The following DIAPH2 variants were observed in gnomAD, a reference collection of about 807,000 sequenced individuals.
The protein encoded by DIAPH2 is diaphanous related formin 2.
In DIAPH2, 35 loss-of-function variants were observed where a neutral mutation model predicts 92.7. The observed-to-expected ratio is 0.38, with a 90% CI of 0.29 to 0.50. The LOEUF (loss-of-function observed/expected upper bound fraction) is 0.50. Ranked by LOEUF, DIAPH2 falls within the 20% of genes least tolerant of loss-of-function variation. The pLI is 0.94. For missense variants in DIAPH2, 701 were observed against 819.5 expected, an observed-to-expected ratio of 0.86 and a Z score of 1.77; for synonymous variants, 301 against 280.4, an observed-to-expected ratio of 1.07 and a Z score of -0.73.
rs191451008 is a variant in DIAPH2, at chrX:96,783,954, G to A, written c.447+25696G>A. Reference sequence around the variant, plus strand: ...TGTAACATGTTCAGATCACTGGGAGGTATAATAGTACATTGTAGACAGACA... The same window carrying A: ...TGTAACATGTTCAGATCACTGGGAGATATAATAGTACATTGTAGACAGACA... On this transcript the variant is annotated intron_variant, in intron 4 of 26. Coordinates refer to ENST00000324765, the MANE Select transcript of DIAPH2 (RefSeq NM_006729.5). Among the ~76,000 whole-genome samples the A allele has an allele frequency of 1.4e-3, 160 of 112,024 alleles. 1 individual carries two copies. Among genetic ancestry groups the A allele is most frequent in the African/African-American group, 5.0e-3 (154 of 30,838 alleles).
chrX:97,009,988 T>C (rs2066213272), intron 17 of DIAPH2, among the ~76,000 whole-genome samples: 1 of 111,774 alleles, frequency 8.9e-6, no homozygotes, highest in South Asian at 3.8e-4. Context: ...ACTGACTCCG[T>C]GCCCACCACA....
At chrX:97,111,229 A>G (rs1455882179) in intron 20 of DIAPH2, among the ~76,000 whole-genome samples, 1 of 112,021 alleles carries the variant, frequency 8.9e-6, no homozygotes, top group Non-Finnish European at 1.9e-5. Flanking sequence ...CTTTACAGGA[A>G]TTTCTCCCAC....
intron 23 of DIAPH2, among the ~76,000 whole-genome samples, chrX:97,260,491 A>G (rs2068279796): frequency 8.9e-6 from 1 of 112,150 alleles, no homozygotes. Context: ...CAGCCTGTTT[A>G]TCTACAGGTG....
chrX:96,962,310 T>TATATAC (rs1439668036), intron 16 of DIAPH2, among the ~76,000 whole-genome samples: 13 of 37,562 alleles, frequency 3.5e-4, no homozygotes, highest in Non-Finnish European at 5.4e-4. Context: ...CATATATATA[T>TATATAC]ACATATATAT....
chrX:97,063,435 G>A (rs2066613907), intron 17 of DIAPH2, among the ~76,000 whole-genome samples: 1 of 111,975 alleles, frequency 8.9e-6, no homozygotes, highest in South Asian at 3.7e-4. Flanking sequence ...CTGCTTATGA[G>A]CTCTCATTCA....
chrX:96,882,167 C>T (rs1311493571), intron 5 of DIAPH2, among the ~76,000 whole-genome samples: 1 of 109,763 alleles, frequency 9.1e-6, no homozygotes, highest in African/African-American at 3.3e-5. Context: ...TCTTCTACCT[C>T]AGCCTCCTGA....
intron 24 of DIAPH2, among the ~76,000 whole-genome samples, chrX:97,378,539 A>T (rs78280558): frequency 8.9e-6 from 1 of 111,808 alleles, no homozygotes; most frequent in African/African-American, 3.2e-5. Flanking sequence ...AAAGGAAAGA[A>T]AAAAGAAAGA....
At chrX:97,253,627 G>C (rs1236744786) in intron 23 of DIAPH2, among the ~76,000 whole-genome samples, 1 of 108,480 alleles carries the variant, frequency 9.2e-6, no homozygotes. Flanking sequence ...GTGCACGCCT[G>C]TAATCCCAGC....
chrX:97,348,370 A>G (rs2069177413), intron 24 of DIAPH2, 90 bp downstream of exon 24: 1 of 813,534 alleles, frequency 1.2e-6, no homozygotes, highest in African/African-American at 2.2e-5. Context: ...CCTATTGACT[A>G]TATTGATTTC....
At chrX:96,971,213 G>A (rs1179956697) in intron 17 of DIAPH2, among the ~76,000 whole-genome samples, 1 of 111,887 alleles carries the variant, frequency 8.9e-6, no homozygotes, top group Non-Finnish European at 1.9e-5. Flanking sequence ...ATTAAAGATA[G>A]CGTGGTATAG....
At chrX:96,733,636 A>T (rs765696078) in intron 1 of DIAPH2, among the ~76,000 whole-genome samples, 33 of 112,066 alleles carry the variant, frequency 2.9e-4, no homozygotes, top group African/African-American at 1.0e-3. Context: ...TTTTCACAGT[A>T]TCACTTTGTC....
chrX:97,497,975 G>T (rs1034197770), intron 26 of DIAPH2, among the ~76,000 whole-genome samples: 1 of 111,101 alleles, frequency 9.0e-6, no homozygotes, highest in African/African-American at 3.3e-5. Flanking sequence ...ATATGAGGAA[G>T]AAATATCACA....
intron 17 of DIAPH2, among the ~76,000 whole-genome samples, chrX:96,976,517 T>TC (rs2065963133): frequency 9.0e-6 from 1 of 111,189 alleles, no homozygotes; most frequent in African/African-American, 3.3e-5. Flanking sequence ...GTTTTTTTTT[T>TC]CATTATGGAC....
intron 24 of DIAPH2, among the ~76,000 whole-genome samples, chrX:97,368,899 C>CTTTT (rs386417287): frequency 0.3 from 15,549 of 51,768 alleles, 2,787 homozygotes; most frequent in East Asian, 0.45. Context: ...TCTACCCTTT[C>CTTTT]TTTTTTTTTT....
chrX:96,770,162 C>T (rs1389755611), intron 4 of DIAPH2, among the ~76,000 whole-genome samples: 2 of 107,119 alleles, frequency 1.9e-5, no homozygotes, highest in Non-Finnish European at 1.9e-5. Context: ...GGTGCCACTG[C>T]ACCCCAGCCT....
At position 97,497,940 on chromosome X, in the gene DIAPH2, T is replaced by G. The variant is rs370611675; in HGVS notation, c.3241+68195T>G. On this transcript the variant is annotated intron_variant, in intron 26 of 26. Transcript: ENST00000324765. Reference sequence around the variant, plus strand: ...AAGGAATAGAGGCATGCTAAAGTTTTTAAAGGTAATATAGGGTTAAGAAAA... The same window carrying G: ...AAGGAATAGAGGCATGCTAAAGTTTGTAAAGGTAATATAGGGTTAAGAAAA... Among the ~76,000 whole-genome samples the G allele has an allele frequency of 4.5e-4, 50 of 111,141 alleles. No individual in the cohort carries two copies. In the East Asian group the frequency reaches 8.2e-3, roughly 18 times the overall value.
chrX:97,549,346 T>C lies in DIAPH2; in HGVS notation c.3242-49907T>C, dbSNP rs765267572. ...CTATTTTATAGCTTTAAAAAAATTA[T>C]ATTGAAATAATTTTAGACCTACAGA... On this transcript the variant is annotated intron_variant, in intron 26 of 26. Coordinates refer to ENST00000324765, the MANE Select transcript of DIAPH2 (RefSeq NM_006729.5). 6.2e-5 allele frequency among the ~76,000 whole-genome samples: 7 copies of C among 112,022 alleles called. No individual in the cohort carries two copies. In the South Asian group the frequency reaches 2.6e-3, roughly 42 times the overall value.
chrX:96,707,434 G>A (rs1439863213), intron 1 of DIAPH2, among the ~76,000 whole-genome samples: 2 of 109,738 alleles, frequency 1.8e-5, no homozygotes, highest in Non-Finnish European at 3.8e-5. Context: ...GCCTCCCAAA[G>A]TGCTGGGATT....
intron 1 of DIAPH2, among the ~76,000 whole-genome samples, chrX:96,699,872 C>CA (rs1384871271): frequency 8.9e-6 from 1 of 112,391 alleles, no homozygotes; most frequent in African/African-American, 3.2e-5. Context: ...TCACTTACCT[C>CA]ATTTCTGACA....
Sources: gnomAD v4.1 joint callset for allele counts (sites outside exome capture counted in the v4.1 genomes callset) on GRCh38, gnomAD v4.1.1 for gene constraint, MANE v1.5 for transcripts, NCBI Gene and HGNC (gene_info 2026-07-23, HGNC 2026-07-21) for gene names.